MED13L: variants seen among roughly 807,000 people sequenced by gnomAD.
MED13L encodes mediator of RNA polymerase II transcription subunit 13-like.
MED13L carries 7 observed loss-of-function variants against 220.9 expected under a neutral mutation model. That is an observed-to-expected ratio of 0.03 (90% CI 0.02 to 0.06). The LOEUF (loss-of-function observed/expected upper bound fraction) is 0.06, where lower values mean the gene tolerates loss of function less well. MED13L is among the 10% of genes least tolerant of loss of function. The pLI is 1.00. For synonymous variants in MED13L, 1,011 were observed against 1,015.2 expected (o/e 1.00, Z 0.08); for missense variants, 1,965 against 2,760.5 (o/e 0.71, Z 6.46).
At chr12:116,227,230 T>C (rs1479147527) in intron 2 of MED13L, among the ~76,000 whole-genome samples, 1 of 152,210 alleles carries the variant, frequency 6.6e-6, no homozygotes, top group Admixed American at 6.5e-5. Flanking sequence ...ATCTCTGATT[T>C]TTCAATATCT....
Position 115,997,093 on chromosome 12 carries a change from C to T in MED13L, c.2707G>A (p.Val903Ile), listed in dbSNP as rs1049226237. ...TALGMMESPM[V>I]SMVSTQLTEF... ...GTGAGTTGTGTTGAAACCATACTGACCATAGGGCTCTCCATCATGCCTAAT... is the reference window on the plus strand; with the variant it reads ...GTGAGTTGTGTTGAAACCATACTGATCATAGGGCTCTCCATCATGCCTAAT... Residue 903 changes from valine (V) to isoleucine (I), a missense_variant, in exon 15 of 31, where the codon GTC becomes ATC. By Grantham distance (29) the Val-to-Ile change is conservative. Coordinates refer to ENST00000281928, the MANE Select transcript of MED13L (RefSeq NM_015335.5). 2.5e-6 allele frequency: 4 copies of T among 1,614,108 alleles called. No individual in the cohort carries two copies. Among genetic ancestry groups the T allele is most frequent in the Non-Finnish European group, 3.4e-6 (4 of 1,179,978 alleles).
chr12:116,181,293 TA>T (rs139006497), intron 2 of MED13L: 10,444 of 144,006 alleles, frequency 0.073, 457 homozygotes, highest in African/African-American at 0.13. Flanking sequence ...AAATCATCTT[TA>T]AAAAAAAAAA....
At chr12:115,985,427 G>T (rs1302352305) in intron 19 of MED13L, among the ~76,000 whole-genome samples, 3 of 152,212 alleles carry the variant, frequency 2.0e-5, no homozygotes, top group Admixed American at 2.0e-4. Context: ...TACATTTATA[G>T]ATCATGAATG....
intron 1 of MED13L, among the ~76,000 whole-genome samples, chr12:116,267,908 T>C (rs923304066): frequency 6.6e-6 from 1 of 152,168 alleles, no homozygotes; most frequent in Non-Finnish European, 1.5e-5. Flanking sequence ...ATAAGGAAAT[T>C]CTAGAATTCA....
intron 1 of MED13L, among the ~76,000 whole-genome samples, chr12:116,272,022 T>C (rs1048462203): frequency 5.3e-5 from 8 of 152,146 alleles, no homozygotes; most frequent in African/African-American, 1.9e-4. Flanking sequence ...ATCTACTCTA[T>C]CTTTGATTCA....
Position 115,991,087 on chromosome 12 carries a change from G to A in MED13L, c.3867C>T (p.Pro1289=). Reference sequence around the variant, plus strand: ...GAGCTTCGTCCACTTTTCCACCAGTGGGGTTATCCACATACTGCCGCCCCT... The same window carrying A: ...GAGCTTCGTCCACTTTTCCACCAGTAGGGTTATCCACATACTGCCGCCCCT... ...LEQGRQYVDN[P]TGGKVDEALV... The change falls in exon 17 of 31, where the codon CCC becomes CCT. Residue 1289 remains proline, a synonymous_variant. Coordinates refer to ENST00000281928, the MANE Select transcript of MED13L (RefSeq NM_015335.5). The surrounding 1 kb of genome is among the most constrained non-coding windows in gnomAD (Gnocchi z 7.7). 6.2e-7 allele frequency: 1 copy of A among 1,614,184 alleles called. No individual in the cohort carries two copies.
At chr12:116,166,267 G>A (rs1879263174) in intron 2 of MED13L, among the ~76,000 whole-genome samples, 1 of 152,142 alleles carries the variant, frequency 6.6e-6, no homozygotes, top group African/African-American at 2.4e-5. Context: ...GTGTGTCTGT[G>A]TGGGTGTTGC....
chr12:116,259,742 G>A (rs1021563489), intron 1 of MED13L, among the ~76,000 whole-genome samples: 3 of 152,068 alleles, frequency 2.0e-5, no homozygotes, highest in African/African-American at 7.2e-5. Flanking sequence ...AAAAAATCTG[G>A]AATAATACAA....
At chr12:115,999,381 ACT>A (rs1418338270) in intron 14 of MED13L, among the ~76,000 whole-genome samples, 4 of 151,440 alleles carry the variant, frequency 2.6e-5, no homozygotes, top group South Asian at 2.1e-4. Context: ...AAAGAGAAAG[ACT>A]CTGTCTCAAA....
intron 4 of MED13L, among the ~76,000 whole-genome samples, chr12:116,041,323 G>A (rs1021069887): frequency 6.6e-6 from 1 of 152,108 alleles, no homozygotes; most frequent in African/African-American, 2.4e-5. Flanking sequence ...CTTCTACCAC[G>A]ATTGTAAGTC....
At chr12:116,172,008 T>C (rs1879713546) in intron 2 of MED13L, among the ~76,000 whole-genome samples, 1 of 152,184 alleles carries the variant, frequency 6.6e-6, no homozygotes, top group Admixed American at 6.6e-5. Context: ...TCTTTCTCAT[T>C]ATCTAAGACT....
At chr12:116,245,088 A>G (rs949184925) in intron 1 of MED13L, among the ~76,000 whole-genome samples, 4 of 152,208 alleles carry the variant, frequency 2.6e-5, no homozygotes, top group South Asian at 2.1e-4. Context: ...TGGAGACAGT[A>G]AACAGAGGGT....
chr12:116,053,406 T>C (rs972409659), intron 4 of MED13L, among the ~76,000 whole-genome samples: 1 of 152,216 alleles, frequency 6.6e-6, no homozygotes, highest in African/African-American at 2.4e-5. Flanking sequence ...CAAGAGGCAC[T>C]GTGGAGGAGT....
chr12:116,249,613 ACAC>A (rs1424059857), intron 1 of MED13L, among the ~76,000 whole-genome samples: 1 of 151,972 alleles, frequency 6.6e-6, no homozygotes, highest in Non-Finnish European at 1.5e-5. Context: ...TTAAAGAAAA[ACAC>A]AAACATAAGG....
chr12:115,964,690 C>T (rs747168596), intron 29 of MED13L, among the ~76,000 whole-genome samples: 2 of 152,116 alleles, frequency 1.3e-5, no homozygotes, highest in Non-Finnish European at 2.9e-5. Flanking sequence ...TATCCCTGGA[C>T]AACAGAGCTG....
intron 1 of MED13L, 169 bp downstream of exon 1, chr12:116,276,891 C>CGA (rs905085254): frequency 3.1e-6 from 3 of 973,570 alleles, no homozygotes; most frequent in African/African-American, 3.3e-5. Context: ...GGATCCAAGG[C>CGA]GAGAGAGAGA....
chr12:116,275,478 G>A (rs1873742114), intron 1 of MED13L, among the ~76,000 whole-genome samples: 1 of 152,112 alleles, frequency 6.6e-6, no homozygotes, highest in African/African-American at 2.4e-5. Context: ...AAAATCACGT[G>A]TTGATTTTTT....
At chr12:116,069,661 C>T (rs531465566) in intron 4 of MED13L, among the ~76,000 whole-genome samples, 10 of 152,274 alleles carry the variant, frequency 6.6e-5, no homozygotes, top group South Asian at 6.2e-4. Context: ...CTTTAATACA[C>T]GTAGTGCACT....
intron 4 of MED13L, among the ~76,000 whole-genome samples, chr12:116,091,875 G>T (rs1872246131): frequency 6.6e-6 from 1 of 152,106 alleles, no homozygotes; most frequent in African/African-American, 2.4e-5. Context: ...CTCATTTCCA[G>T]TTGACTCTTC....
Sources: allele counts gnomAD v4.1 joint callset (sites outside exome capture counted in the v4.1 genomes callset), GRCh38; gene constraint gnomAD v4.1.1; non-coding constraint Gnocchi (gnomAD v3.1); transcripts MANE v1.5; gene names NCBI Gene and HGNC (gene_info 2026-07-23, HGNC 2026-07-21).